ZNF106: variants seen among roughly 807,000 people sequenced by gnomAD.
ZNF106 encodes zinc finger protein 106.
In ZNF106, 67 loss-of-function variants were observed where a neutral mutation model predicts 195.1. The ratio of observed to expected loss-of-function variants is 0.34; its 90% CI spans 0.28 to 0.42. The LOEUF (loss-of-function observed/expected upper bound fraction) is 0.42, where lower values mean the gene tolerates loss of function less well. Ranked by LOEUF, ZNF106 falls within the 10% of genes least tolerant of loss-of-function variation. The pLI, the probability that ZNF106 is intolerant of heterozygous loss-of-function variation, is 1.00. For missense variants in ZNF106, 2,118 were observed against 2,304.5 expected, an observed-to-expected ratio of 0.92 and a Z score of 1.66; for synonymous variants, 784 against 818.6, an observed-to-expected ratio of 0.96 and a Z score of 0.72.
chr15:42,421,854 T>A, intron 19 of ZNF106, 63 bp downstream of exon 19: 1 of 1,389,492 alleles, frequency 7.2e-7, no homozygotes, highest in Non-Finnish European at 9.8e-7. Context: ...CTTTTGGAAG[T>A]GACAAGAATT....
rs2054462869 is a variant in ZNF106 at position 42,416,436 on chromosome 15, G to A, written c.*868C>T. The A allele has an allele frequency of 6.6e-6, 1 of 152,222 alleles. No individual in the cohort carries two copies. Among genetic ancestry groups the A allele is most frequent in the Non-Finnish European group, 1.5e-5 (1 of 68,120 alleles). The allele number at this position is 152,222 out of a possible 1,614,324, so 9.4% of individuals were successfully genotyped here. On this transcript the variant is annotated 3_prime_UTR_variant, in exon 22 of 22. Transcript: ENST00000564754. ...GGCTGGCAACTGAACAAACCAAAAG[G>A]GTTCAAACCAACATTAGGCTTGCAG...
At position 42,416,317 on chromosome 15, in the gene ZNF106, T is replaced by C. The variant is rs1062015; in HGVS notation, c.*987A>G. 6.6e-6 allele frequency: 1 copy of C among 152,156 alleles called. No individual in the cohort carries two copies. Among genetic ancestry groups the C allele is most frequent in the South Asian group, 2.1e-4 (1 of 4,822 alleles). 9.4% of individuals were successfully genotyped at this position (152,156 alleles called of 1,614,324 possible). A position where few individuals can be genotyped will look rare whatever the true frequency, so the allele number is the denominator to read the frequency against. ...AACCCCCTCTCCCCCACCATCTTAG[T>C]TGCTGCAGGGGGGTGGAAAACACCC... On this transcript the variant is annotated 3_prime_UTR_variant, in exon 22 of 22. Transcript: ENST00000564754.
At chr15:42,422,479 A>C in intron 18 of ZNF106, 22 bp downstream of exon 18, 1 of 1,609,596 alleles carries the variant, frequency 6.2e-7, no homozygotes, top group South Asian at 1.1e-5. Context: ...CATTCAAGCA[A>C]AATACTGAAT....
chr15:42,418,033 AAGC>A, intron 20 of ZNF106, 82 bp from the exon 21 acceptor site: 5 of 1,407,732 alleles, frequency 3.6e-6, no homozygotes, highest in Middle Eastern at 1.9e-4. Flanking sequence ...TGGATCCCAT[AAGC>A]ACTATGGAAG....
At chr15:42,473,018 A>C (rs1365303944) in intron 1 of ZNF106, among the ~76,000 whole-genome samples, 2 of 152,054 alleles carry the variant, frequency 1.3e-5, no homozygotes, top group African/African-American at 2.4e-5. Context: ...AAAAAAAAAA[A>C]AAAAACAAGT....
intron 1 of ZNF106, among the ~76,000 whole-genome samples, chr15:42,474,633 C>T (rs1207948466): frequency 6.6e-6 from 1 of 152,118 alleles, no homozygotes; most frequent in Non-Finnish European, 1.5e-5. Context: ...TGCCTGTAAT[C>T]CCAGCTACTT....
intron 10 of ZNF106, among the ~76,000 whole-genome samples, chr15:42,441,183 A>AG (rs1406387921): frequency 6.8e-6 from 1 of 147,746 alleles, no homozygotes; most frequent in African/African-American, 2.5e-5. Flanking sequence ...TAAAAAAAAA[A>AG]AAAAAAAAAA....
chr15:42,488,981 G>A (rs1251574324), intron 1 of ZNF106, among the ~76,000 whole-genome samples: 2 of 151,196 alleles, frequency 1.3e-5, no homozygotes, highest in Admixed American at 1.3e-4. Flanking sequence ...GGGAGGCTGA[G>A]GCAGGAGAAT....
intron 5 of ZNF106, among the ~76,000 whole-genome samples, chr15:42,449,353 C>T (rs8026817): frequency 0.11 from 16,641 of 152,162 alleles, 1,975 homozygotes; most frequent in African/African-American, 0.27. Flanking sequence ...GTTAACTATT[C>T]GTAGGTTCTA....
Position 42,421,117 on chromosome 15 carries a change from A to T in ZNF106, c.5461T>A (p.Tyr1821Asn), listed in dbSNP as rs764048128. ...IHKSMIYTGC[Y>N]DGSIQAVRLN... ...CTCACGGCCTGAATACTGCCATCAT[A>T]ACAGCCAGTGTAAATCTGGAGAAAG... Residue 1821 changes from tyrosine to asparagine, a missense_variant, in exon 20 of 22, where the codon TAT (tyrosine) becomes AAT (asparagine). By Grantham distance (143) the Tyr-to-Asn change is moderately radical. Transcript: ENST00000564754. 6 of 1,614,114 alleles carry T rather than the reference A, an allele frequency of 3.7e-6. No homozygotes were observed. In the Admixed American group the frequency reaches 5.0e-5, roughly 13 times the overall value.
rs766529046 is a variant in ZNF106 at position 42,451,536 on chromosome 15, C to T, written c.736G>A (p.Gly246Arg). The T allele has an allele frequency of 1.2e-5, 19 of 1,613,988 alleles. No individual in the cohort carries two copies. Among genetic ancestry groups the T allele is most frequent in the African/African-American group, 1.3e-5 (1 of 74,904 alleles). Residue 246 changes from glycine (G) to arginine (R), a missense_variant, in exon 5 of 22, where the codon GGA (glycine) becomes AGA (arginine). By Grantham distance (125) the Gly-to-Arg change is moderately radical. Transcript: ENST00000564754. ...FSSWHMNNSN[G>R]NWKSSVRSTN... ...CTACGTACACTGGATTTCCAGTTTC[C>T]GTTACTGTTGTTCATATGCCAACTG...
At position 42,471,762 on chromosome 15, in the gene ZNF106, C is replaced by T. The variant is rs1195481828; in HGVS notation, c.54+474G>A. Among the ~76,000 whole-genome samples the T allele has an allele frequency of 1.3e-5, 2 of 152,160 alleles. 1 individual carries two copies. Among genetic ancestry groups the T allele is most frequent in the Non-Finnish European group, 2.9e-5 (2 of 68,036 alleles). Reference sequence around the variant, plus strand: ...AAAAGTTTTACTTTGAGCAACATCCCCACCTTGTGGACATCTAGGATATTG... The same window carrying T: ...AAAAGTTTTACTTTGAGCAACATCCTCACCTTGTGGACATCTAGGATATTG... On this transcript the variant is annotated intron_variant, in intron 2 of 21. Coordinates refer to ENST00000564754, the MANE Select transcript of ZNF106 (RefSeq NM_001366845.3).
At chr15:42,472,782 C>T (rs149214627) in intron 1 of ZNF106, among the ~76,000 whole-genome samples, 11 of 152,104 alleles carry the variant, frequency 7.2e-5, no homozygotes, top group African/African-American at 1.2e-4. Context: ...GAGGCCGACG[C>T]GGGCAGATCA....
At chr15:42,453,651 A>G (rs1224081248) in intron 4 of ZNF106, among the ~76,000 whole-genome samples, 3 of 150,616 alleles carry the variant, frequency 2.0e-5, no homozygotes, top group Non-Finnish European at 2.9e-5. Context: ...GCTGGAGTGC[A>G]ATGGCACGAT....
intron 3 of ZNF106, among the ~76,000 whole-genome samples, chr15:42,463,288 G>C (rs569736787): frequency 1.3e-5 from 2 of 152,112 alleles, no homozygotes; most frequent in Non-Finnish European, 2.9e-5. Context: ...CTAGAAGGAA[G>C]TCTGTTGAAA....
chr15:42,473,549 G>A (rs115617971), intron 1 of ZNF106, among the ~76,000 whole-genome samples: 2,161 of 152,138 alleles, frequency 0.014, 53 homozygotes, highest in African/African-American at 0.05. Context: ...TATGGTTCCC[G>A]TGGCTCATTC....
rs753000128 is a variant in ZNF106 at position 42,448,254 on chromosome 15, T to C, written c.2953A>G (p.Ile985Val). The C allele has an allele frequency of 6.2e-6, 10 of 1,614,238 alleles. No homozygotes were observed. The highest frequency in any genetic ancestry group is 3.3e-5 in the South Asian group (3 of 91,090). ...GAATTCTGATTCTCTGACGGTGGTATAGACCTCTCCTGGCTGTTCAAGTCT... is the reference window on the plus strand; with the variant it reads ...GAATTCTGATTCTCTGACGGTGGTACAGACCTCTCCTGGCTGTTCAAGTCT... ...AKDLNSQERS[I>V]PPSENQNSQE... Residue 985 changes from isoleucine (I) to valine (V), a missense_variant, in exon 6 of 22, where the codon ATA becomes GTA. Ile to Val is a conservative substitution (Grantham distance 29). Transcript: ENST00000564754.
At chr15:42,477,963 T>C (rs1009951945) in intron 1 of ZNF106, among the ~76,000 whole-genome samples, 5 of 151,844 alleles carry the variant, frequency 3.3e-5, no homozygotes, top group Non-Finnish European at 5.9e-5. Flanking sequence ...AACAAACCAA[T>C]ATTGATACAC....
In ZNF106 at chr15:42,449,959, C is replaced by T. The variant is rs763986882; in HGVS notation, c.2313G>A (p.Glu771=). The change falls in exon 5 of 22, where the codon GAG becomes GAA. Residue 771 remains glutamate, a synonymous_variant. Coordinates refer to ENST00000564754, the MANE Select transcript of ZNF106 (RefSeq NM_001366845.3). ...TGCGGCGGGCACTATTGAGGTTTGG[C>T]TCAGGAAGGTGTACTCCAGTTTTGC... ...LKSKTGVHLP[E]PNLNSARRIR... is the part of the protein sequence containing the mutation. The T allele has an allele frequency of 2.5e-6, 4 of 1,614,068 alleles. No individual in the cohort carries two copies. Among genetic ancestry groups the T allele is most frequent in the Middle Eastern group, 1.6e-4 (1 of 6,084 alleles).
Sources: gnomAD v4.1 joint callset for allele counts (sites outside exome capture counted in the v4.1 genomes callset) on GRCh38, gnomAD v4.1.1 for gene constraint, MANE v1.5 for transcripts, NCBI Gene and HGNC (gene_info 2026-07-23, HGNC 2026-07-21) for gene names.